Variants in NEU3 observed in about 807,000 individuals in gnomAD.
NEU3 encodes neuraminidase 3, also known as sialidase-3.
Under a neutral mutation model 11.4 loss-of-function variants are expected in NEU3, and 10 were observed. The observed-to-expected ratio is 0.88, with a 90% CI of 0.54 to 1.49. The LOEUF is 1.49. Among genes scored for constraint, NEU3 ranks in the 40% most tolerant of loss-of-function variants. The probability of loss-of-function intolerance (pLI) is 0.00; values close to 1 mark genes in which losing one functional copy is unlikely to be tolerated. For synonymous variants in NEU3, 212 were observed against 228.2 expected (o/e 0.93, Z 0.64); for missense variants, 529 against 581.8 (o/e 0.91, Z 0.93).
downstream of NEU3, among the ~76,000 whole-genome samples, chr11:75,013,888 G>A (rs1156432605): frequency 6.6e-6 from 1 of 152,136 alleles, no homozygotes; most frequent in Non-Finnish European, 1.5e-5. Context: ...TAGCAAAGAA[G>A]AGGCAGAACT....
downstream of NEU3, among the ~76,000 whole-genome samples, chr11:75,012,229 T>C (rs1035438123): frequency 6.6e-6 from 1 of 152,190 alleles, no homozygotes; most frequent in Non-Finnish European, 1.5e-5. Flanking sequence ...ACCATTTTCC[T>C]CAATCAGGCA....
chr11:74,994,933 G>T, intron 2 of NEU3: 1 of 669,960 alleles, frequency 1.5e-6, no homozygotes, highest in South Asian at 1.6e-5. Context: ...CGTAGGTACT[G>T]TTTTCAGTCA....
intron 2 of NEU3, among the ~76,000 whole-genome samples, chr11:74,999,981 G>T (rs150512843): frequency 8.7e-4 from 132 of 152,236 alleles, no homozygotes; most frequent in Non-Finnish European, 1.7e-3. Context: ...GATTACTGTC[G>T]TTGGGATCTG....
At chr11:74,987,708 G>C (rs1316023976), upstream of NEU3, among the ~76,000 whole-genome samples, 4 of 152,026 alleles carry the variant, frequency 2.6e-5, no homozygotes, top group African/African-American at 9.7e-5. Context: ...AGCTACTCGG[G>C]AGGCTGAGGC....
chr11:75,015,213 C>G (rs1013292746), downstream of NEU3, among the ~76,000 whole-genome samples: 5 of 152,146 alleles, frequency 3.3e-5, no homozygotes, highest in Non-Finnish European at 7.3e-5. Flanking sequence ...CCCGAAGAGG[C>G]TTGTTAGCCC....
At chr11:74,998,414 G>A (rs1948813611) in intron 2 of NEU3, among the ~76,000 whole-genome samples, 2 of 152,184 alleles carry the variant, frequency 1.3e-5, no homozygotes, top group African/African-American at 4.8e-5. Context: ...AAATCACATA[G>A]GCCTATATTT....
In NEU3 at chr11:75,007,864, A is replaced by G. The variant is rs1948914283; in HGVS notation, c.*1372A>G. 6.6e-6 allele frequency: 1 copy of G among 152,178 alleles called. No homozygotes were observed. The allele number at this position is 152,178 out of a possible 1,614,324, so 9.4% of individuals were successfully genotyped here. ...TTAGGAGTCTAATGCTTAAACTGGTATCAACTAAATATATTTGGTGTTGTA... is the reference window on the plus strand; with the variant it reads ...TTAGGAGTCTAATGCTTAAACTGGTGTCAACTAAATATATTTGGTGTTGTA... On this transcript the variant is annotated 3_prime_UTR_variant, in exon 3 of 3. Transcript: ENST00000294064.
intron 3 of NEU3, among the ~76,000 whole-genome samples, chr11:75,018,371 T>C (rs1417520726): frequency 2.6e-5 from 4 of 152,048 alleles, no homozygotes; most frequent in Non-Finnish European, 5.9e-5. Context: ...GACTAACATT[T>C]GAGTCAGTGG....
chr11:74,994,412 C>A (rs140974873), intron 1 of NEU3, 97 bp from the exon 2 acceptor site: 18 of 852,926 alleles, frequency 2.1e-5, no homozygotes, highest in South Asian at 6.2e-5. Context: ...TGTGCCCCCC[C>A]ACCTTTGCTC....
At chr11:74,994,134 C>T (rs1018249674) in intron 1 of NEU3, among the ~76,000 whole-genome samples, 1 of 152,156 alleles carries the variant, frequency 6.6e-6, no homozygotes, top group East Asian at 1.9e-4. Flanking sequence ...TAGGCATTCA[C>T]TCATACAGAT....
At chr11:75,002,060 T>C (rs902976818) in intron 2 of NEU3, among the ~76,000 whole-genome samples, 2 of 152,240 alleles carry the variant, frequency 1.3e-5, no homozygotes, top group Non-Finnish European at 2.9e-5. Context: ...GGCTTAGATT[T>C]CTTTTTTGTT....
At chr11:75,004,867 T>C (rs1349370607) in intron 2 of NEU3, among the ~76,000 whole-genome samples, 1 of 152,204 alleles carries the variant, frequency 6.6e-6, no homozygotes, top group Non-Finnish European at 1.5e-5. Flanking sequence ...TTTCTGTATT[T>C]GTTTGCCTTG....
chr11:75,019,262 C>T (rs1311538511), downstream of NEU3, among the ~76,000 whole-genome samples: 3 of 152,188 alleles, frequency 2.0e-5, no homozygotes, highest in African/African-American at 7.2e-5. Flanking sequence ...AAAGAGGAGC[C>T]GGATGTTGAT....
At chr11:74,998,372 A>C (rs892356696) in intron 2 of NEU3, among the ~76,000 whole-genome samples, 14 of 152,224 alleles carry the variant, frequency 9.2e-5, no homozygotes, top group African/African-American at 3.4e-4. Context: ...TTGTGGCAAT[A>C]TCTGACAAAT....
intron 1 of NEU3, among the ~76,000 whole-genome samples, chr11:74,994,250 C>T (rs1415203963): frequency 6.6e-6 from 1 of 152,180 alleles, no homozygotes; most frequent in African/African-American, 2.4e-5. Context: ...AACCGCTCTG[C>T]TCCAAGATAC....
intron 2 of NEU3, among the ~76,000 whole-genome samples, chr11:75,000,328 C>T (rs1489190977): frequency 6.6e-6 from 1 of 152,094 alleles, no homozygotes; most frequent in Non-Finnish European, 1.5e-5. Flanking sequence ...ATTGTGCACC[C>T]AATCTTCAGA....
chr11:74,991,628 T>G (rs1948733208), intron 1 of NEU3, among the ~76,000 whole-genome samples: 1 of 152,218 alleles, frequency 6.6e-6, no homozygotes, highest in Admixed American at 6.5e-5. Flanking sequence ...TCCCAGGATC[T>G]GGACTGTGCT....
chr11:75,016,886 C>A (rs1948983282), intron 3 of NEU3, among the ~76,000 whole-genome samples: 1 of 152,158 alleles, frequency 6.6e-6, no homozygotes, highest in African/African-American at 2.4e-5. Context: ...TTCTTTGTTG[C>A]TACTCAGAAA....
At position 75,006,200 on chromosome 11, in the gene NEU3, C is replaced by T. The variant is rs561931411; in HGVS notation, c.1094C>T (p.Ser365Leu). 1 of 1,613,998 alleles carries T rather than the reference C, an allele frequency of 6.2e-7. No homozygotes were observed. Among genetic ancestry groups the T allele is most frequent in the Admixed American group, 1.7e-5 (1 of 60,020 alleles). Residue 365 changes from serine to leucine, a missense_variant, in exon 3 of 3, where the codon TCA becomes TTA. Coordinates refer to ENST00000294064, the MANE Select transcript of NEU3 (RefSeq NM_006656.6). ...CCGTCAGAATCATGGCTCTTGTACT[C>T]ACACCCAACCAGTAGGAAACAGAGG... The part of the protein sequence containing the change: ...GTPSESWLLY[S>L]HPTSRKQRVD...
Sources: gnomAD v4.1 joint callset for allele counts (sites outside exome capture counted in the v4.1 genomes callset) on GRCh38, gnomAD v4.1.1 for gene constraint, MANE v1.5 for transcripts, NCBI Gene and HGNC (gene_info 2026-07-23, HGNC 2026-07-21) for gene names.